Variants in C4orf50 observed in about 807,000 individuals in gnomAD.
The protein encoded by C4orf50 is chromosome 4 open reading frame 50.
A neutral mutation model predicts 77.2 loss-of-function variants in C4orf50; 80 were observed. The ratio of observed to expected loss-of-function variants is 1.04; its 90% CI spans 0.87 to 1.25. The LOEUF is 1.25. Among genes scored for constraint, C4orf50 ranks in the 50% most tolerant of loss-of-function variants. The pLI, the probability that C4orf50 is intolerant of heterozygous loss-of-function variation, is 0.00. For missense variants in C4orf50, 1,257 were observed against 1,152.9 expected (o/e 1.09, Z -1.31); for synonymous variants, 532 against 465.3 (o/e 1.14, Z -1.84).
Position 5,901,580 on chromosome 4 carries a change from A to G in C4orf50, c.*2475-3392T>C, listed in dbSNP as rs994111303. The G allele has an allele frequency of 6.6e-6, 1 of 152,128 alleles. No homozygotes were observed. Among genetic ancestry groups the G allele is most frequent in the Non-Finnish European group, 1.5e-5 (1 of 68,018 alleles). 9.4% of individuals were successfully genotyped at this position (152,128 alleles called of 1,614,324 possible). On this transcript the variant is annotated intron_variant, in intron 7 of 7. Transcript: ENST00000324058. The surrounding 1 kb of genome is among the most constrained non-coding windows in gnomAD (Gnocchi z 4.4). ...TACATGTAGATCTTAAGAGTTTACAAAGGGCTTTCCATCCGTATTCCCATT... is the reference window on the plus strand; with the variant it reads ...TACATGTAGATCTTAAGAGTTTACAGAGGGCTTTCCATCCGTATTCCCATT...
chr4:5,964,887 G>T, intron 33 of C4orf50, 137 bp downstream of exon 11: 1 of 677,776 alleles, frequency 1.5e-6, no homozygotes. Context: ...CTGTTCGGGA[G>T]TCGATTGTGT....
intron 7 of C4orf50, chr4:5,899,352 A>G (rs559555426): frequency 6.6e-5 from 10 of 152,238 alleles, no homozygotes; most frequent in Admixed American, 2.0e-4. Context: ...AGATTCATTT[A>G]GTGTGTCATT....
At chr4:5,989,526 G>C in exon 28 of C4orf50, 1 of 1,536,122 alleles carries the variant, frequency 6.5e-7, no homozygotes, top group Non-Finnish European at 8.7e-7. Flanking sequence ...TCTGAGCAAA[G>C]CTCCAGTTCT....
chr4:6,000,988 G>A lies in C4orf50; in HGVS notation c.964-6512C>T, dbSNP rs773070395. On this transcript the variant is annotated intron_variant, in intron 25 of 33. Coordinates refer to ENST00000531445, the Ensembl canonical transcript of C4orf50. The surrounding 1 kb of genome is among the most constrained non-coding windows in gnomAD (Gnocchi z 6.0). ...AGTGGCAGGAGAGCCCACCTCCACC[G>A]GAAGTTAGAGCAAGTGATACCAGAA... Among the ~76,000 whole-genome samples the A allele has an allele frequency of 4.6e-5, 7 of 152,130 alleles. No homozygotes were observed. The highest frequency in any genetic ancestry group is 2.1e-4 in the South Asian group (1 of 4,826).
At chr4:5,947,593 C>T (rs1718537180) in intron 7 of C4orf50, among the ~76,000 whole-genome samples, 1 of 152,162 alleles carries the variant, frequency 6.6e-6, no homozygotes, top group Admixed American at 6.5e-5. Context: ...CCCTTCAAAT[C>T]ACCGACTGGT....
At chr4:5,996,459 C>T (rs1721594142) in intron 25 of C4orf50, among the ~76,000 whole-genome samples, 1 of 151,356 alleles carries the variant, frequency 6.6e-6, no homozygotes. Flanking sequence ...CCCGCTACCA[C>T]CACCCACGTC....
At chr4:5,951,128 G>A (rs554277244) in intron 7 of C4orf50, among the ~76,000 whole-genome samples, 10 of 152,324 alleles carry the variant, frequency 6.6e-5, no homozygotes, top group South Asian at 4.1e-4. Context: ...CTAGGGTCCC[G>A]TCGAGAGTCC....
At position 5,988,337 on chromosome 4, in the gene C4orf50, C is replaced by G; in HGVS notation, c.3699+10G>C. ...CGTGATGAGTAAGCAGATATGCAGA[C>G]CCAACCTACCATGGGGCCATTGCTC... On this transcript the variant is annotated intron_variant, in intron 28 of 33. Coordinates refer to ENST00000531445, the Ensembl canonical transcript of C4orf50. 1 of 1,612,166 alleles carries G rather than the reference C, an allele frequency of 6.2e-7. No individual in the cohort carries two copies. The highest frequency in any genetic ancestry group is 1.1e-5 in the South Asian group (1 of 90,746).
chr4:5,956,582 G>A (rs1718969264), downstream of C4orf50: 1 of 152,336 alleles, frequency 6.6e-6, no homozygotes, highest in Non-Finnish European at 1.5e-5. Context: ...CCAGGCAGCA[G>A]GGAGGGACGT....
chr4:6,003,807 ATGATGGTGATGATGG>A (rs1721976288), intron 25 of C4orf50, among the ~76,000 whole-genome samples: 3 of 79,476 alleles, frequency 3.8e-5, no homozygotes, highest in Admixed American at 1.3e-4. Context: ...GGTGATGGTG[ATGATGGTGATGATGG>A]TGATGGTGAT....
intron 7 of C4orf50, among the ~76,000 whole-genome samples, chr4:5,949,505 G>A (rs1203981996): frequency 6.6e-6 from 1 of 152,218 alleles, no homozygotes; most frequent in Admixed American, 6.5e-5. Flanking sequence ...GACTTATAGA[G>A]ACAGAAAGTG....
At chr4:5,912,504 T>A (rs1716853156) in intron 7 of C4orf50, among the ~76,000 whole-genome samples, 1 of 152,158 alleles carries the variant, frequency 6.6e-6, no homozygotes, top group Admixed American at 6.5e-5. Flanking sequence ...TTCAAGGAAA[T>A]GTATCTGTCC....
intron 7 of C4orf50, chr4:5,899,830 T>C (rs1681599146): frequency 6.6e-6 from 1 of 152,222 alleles, no homozygotes; most frequent in Non-Finnish European, 1.5e-5. Context: ...GGAGAGAGGC[T>C]TGGGCATCAG....
chr4:5,980,347 A>G lies in C4orf50; in HGVS notation c.3700-9T>C. On this transcript the variant is annotated splice_polypyrimidine_tract_variant and intron_variant, in intron 28 of 33. Coordinates refer to ENST00000531445, the Ensembl canonical transcript of C4orf50. ...GCCTCTGAGTCCCGGAGCTGCGGAA[A>G]TCACAGATTTGAATGAAATGTTTAG... 3 of 1,608,366 alleles carry G rather than the reference A, an allele frequency of 1.9e-6. No homozygotes were observed. The highest frequency in any genetic ancestry group is 2.5e-6 in the Non-Finnish European group (3 of 1,177,796).
Position 5,909,502 on chromosome 4 carries a change from C to G in C4orf50, c.*2475-11314G>C, listed in dbSNP as rs138112108. ...GATTGTTTCCTTTGCTGTGCAGGAA[C>G]CTTTTAGTTTGATACAATCACAGTT... is the stretch of plus-strand genomic sequence containing the variant. On this transcript the variant is annotated intron_variant, in intron 7 of 7. Coordinates refer to the C4orf50 transcript ENST00000324058. 1.1e-3 allele frequency among the ~76,000 whole-genome samples: 171 copies of G among 152,260 alleles called. 1 individual carries two copies. The highest frequency in any genetic ancestry group is 3.9e-3 in the African/African-American group (162 of 41,544).
intron 7 of C4orf50, among the ~76,000 whole-genome samples, chr4:5,940,463 G>A (rs1167461382): frequency 6.6e-6 from 1 of 152,206 alleles, no homozygotes; most frequent in Non-Finnish European, 1.5e-5. Context: ...GAGTTGGCCT[G>A]AATATAGTAT....
At chr4:5,934,843 T>C (rs17751160) in intron 7 of C4orf50, among the ~76,000 whole-genome samples, 90,213 of 152,168 alleles carry the variant, frequency 0.59, 27,609 homozygotes, top group African/African-American at 0.67. Context: ...AAAGTGTCTT[T>C]CTATAGCCTG....
chr4:5,949,317 A>G (rs1036392628), intron 7 of C4orf50, among the ~76,000 whole-genome samples: 2 of 152,254 alleles, frequency 1.3e-5, no homozygotes, highest in African/African-American at 2.4e-5. Flanking sequence ...TGAGTGAACA[A>G]ACAAGATGTG....
At chr4:5,954,035 G>A (rs1718841809), downstream of C4orf50, among the ~76,000 whole-genome samples, 1 of 152,234 alleles carries the variant, frequency 6.6e-6, no homozygotes, top group African/African-American at 2.4e-5. The surrounding 1 kb of genome is among the most constrained non-coding windows in gnomAD (Gnocchi z 4.7). Flanking sequence ...GAAGAGCAGG[G>A]TCGATGCCTC....
Sources: gnomAD v4.1 joint callset for allele counts (sites outside exome capture counted in the v4.1 genomes callset) on GRCh38, gnomAD v4.1.1 for gene constraint, Gnocchi (gnomAD v3.1) non-coding constraint, MANE v1.5 for transcripts, NCBI Gene and HGNC (gene_info 2026-07-23, HGNC 2026-07-21) for gene names.